LOXL4: variants seen among roughly 807,000 people sequenced by gnomAD.
The protein encoded by LOXL4 is lysyl oxidase like 4.
A neutral mutation model predicts 89.1 loss-of-function variants in LOXL4; 72 were observed. The observed-to-expected ratio is 0.81, with a 90% CI of 0.67 to 0.98. The LOEUF is 0.98. LOXL4 is among the 50% of genes least tolerant of loss of function. The pLI is 0.00. For missense variants in LOXL4, 984 were observed against 1,017.5 expected (o/e 0.97, Z 0.45); for synonymous variants, 355 against 392.1 (o/e 0.91, Z 1.12).
chr10:98,253,692 A>G lies in LOXL4; in HGVS notation c.1696T>C (p.Ser566Pro). ...LYCAHEENCL[S>P]KSADHMDWPY... ...CAGTCCATGTGATCCGCAGACTTGG[A>G]GAGGCAGTTCTCCTCGTGGGCACAA... The change falls in exon 11 of 15, where the codon TCC (serine) becomes CCC (proline). Residue 566 changes from serine (S) to proline (P), a missense_variant. Transcript: ENST00000260702. 1 of 1,614,236 alleles carries G rather than the reference A, an allele frequency of 6.2e-7. No individual in the cohort carries two copies. The highest frequency in any genetic ancestry group is 8.5e-7 in the Non-Finnish European group (1 of 1,180,048).
intron 8 of LOXL4, 125 bp downstream of exon 8, chr10:98,257,525 G>A (rs896562090): frequency 1.1e-5 from 13 of 1,196,586 alleles, no homozygotes; most frequent in Non-Finnish European, 1.5e-5. Flanking sequence ...AGGCAGACTG[G>A]TGCCCAAAGC....
Position 98,253,741 on chromosome 10 carries a change from C to T in LOXL4, c.1647G>A (p.Glu549=). The part of the protein sequence containing the change: ...AQLVQETAYL[E]DRPLSQLYCA... ...AATACAGCTGGCTGAGCGGGCGGTCCTCCAAGTAGGCCGTCTCCTGCACTA... is the reference window on the plus strand; with the variant it reads ...AATACAGCTGGCTGAGCGGGCGGTCTTCCAAGTAGGCCGTCTCCTGCACTA... The change falls in exon 11 of 15, where the codon GAG becomes GAA. Residue 549 remains glutamate (E), a synonymous_variant. Coordinates refer to ENST00000260702, the MANE Select transcript of LOXL4 (RefSeq NM_032211.7). The T allele has an allele frequency of 1.2e-6, 2 of 1,614,214 alleles. No homozygotes were observed. Among genetic ancestry groups the T allele is most frequent in the East Asian group, 2.2e-5 (1 of 44,884 alleles).
rs1241200803 is a variant in LOXL4, at chr10:98,251,148, G to A, written c.2117C>T (p.Ala706Val). The A allele has an allele frequency of 7.4e-6, 12 of 1,613,918 alleles. No homozygotes were observed. The highest frequency in any genetic ancestry group is 2.7e-5 in the African/African-American group (2 of 74,942). ...CATATTGTTGGAGAAATCTGACTCT[G>A]CCACTTCATAGTGGGGGTTCACAAT... ...QVIVNPHYEV[A>V]ESDFSNNMLQ... is the part of the protein sequence containing the mutation. The change falls in exon 14 of 15, where the codon GCA (alanine) becomes GTA (valine). Residue 706 changes from alanine (A) to valine (V), a missense_variant. Coordinates refer to ENST00000260702, the MANE Select transcript of LOXL4 (RefSeq NM_032211.7).
chr10:98,260,813 ACT>A, intron 4 of LOXL4, 107 bp downstream of exon 4: 1 of 1,167,906 alleles, frequency 8.6e-7, no homozygotes. Flanking sequence ...ATGAGTCCAC[ACT>A]CAGACTCATG....
intron 13 of LOXL4, 147 bp downstream of exon 13, chr10:98,251,419 G>C: frequency 8.8e-7 from 1 of 1,132,090 alleles, no homozygotes; most frequent in South Asian, 1.5e-5. Context: ...CAGCTTGACT[G>C]TTACTTCCCT....
chr10:98,267,035 G>A (rs1453034945), intron 1 of LOXL4, among the ~76,000 whole-genome samples: 2 of 152,118 alleles, frequency 1.3e-5, no homozygotes, highest in African/African-American at 4.8e-5. Context: ...AAGAGGAGGG[G>A]AGGGAAGTGA....
chr10:98,251,084 C>T lies in LOXL4; in HGVS notation c.2181G>A (p.Trp727Ter), dbSNP rs757507970. Residue 727 changes from tryptophan to a stop codon, truncating the protein, a stop_gained, in exon 14 of 15, where the codon TGG becomes TGA. Transcript: ENST00000260702. LOFTEE classifies it high-confidence loss of function. ...AGTTACCTGTGTGGCAGTTGTGCAG[C>T]CAGACCCGGTGCCCATCATACTTGC... is the stretch of plus-strand genomic sequence containing the variant. ...CRCKYDGHRV[W>*]LHNCHTGNSY... is the part of the protein sequence containing the mutation. The T allele has an allele frequency of 8.7e-6, 14 of 1,614,008 alleles. No homozygotes were observed. The South Asian group carries it at 1.2e-4, about 14-fold the overall frequency.
In LOXL4 at chr10:98,258,099, G is replaced by A. The variant is rs372736875; in HGVS notation, c.987C>T (p.Asn329=). 1 of 1,613,564 alleles carries A rather than the reference G, an allele frequency of 6.2e-7. No homozygotes were observed. The highest frequency in any genetic ancestry group is 2.2e-5 in the East Asian group (1 of 44,880). ...VGEGRVEVLM[N]RQWGTVCDHR... is the part of the protein sequence containing the mutation. ...GGTCACAGACCGTGCCCCACTGGCG[G>A]TTCATGAGCACTTCCACCCGGCCCT... The change falls in exon 7 of 15, where the codon AAC becomes AAT. Residue 329 remains asparagine (N), a synonymous_variant. Coordinates refer to ENST00000260702, the MANE Select transcript of LOXL4 (RefSeq NM_032211.7).
At chr10:98,263,417 G>T (rs1858601711) in intron 1 of LOXL4, among the ~76,000 whole-genome samples, 1 of 152,192 alleles carries the variant, frequency 6.6e-6, no homozygotes, top group Non-Finnish European at 1.5e-5. Flanking sequence ...ACAATAAACA[G>T]CAGCTCTTAT....
At position 98,255,607 on chromosome 10, in the gene LOXL4, G is replaced by T; in HGVS notation, c.1561C>A (p.Arg521Ser). 1 of 1,610,766 alleles carries T rather than the reference G, an allele frequency of 6.2e-7. No individual in the cohort carries two copies. Among genetic ancestry groups the T allele is most frequent in the Non-Finnish European group, 8.5e-7 (1 of 1,177,404 alleles). Reference protein sequence around the residue: ...GPVHCSHGGGRFLAGVSCMDS... With the variant: ...GPVHCSHGGGSFLAGVSCMDS... ...ATGCAGGAGACTCCAGCCAGGAAGC[G>T]CCCGCCACCGTGGGAGCAGTGCACC... is the stretch of plus-strand genomic sequence containing the variant. The change falls in exon 10 of 15, where the codon CGC (arginine) becomes AGC (serine). Residue 521 changes from arginine (R) to serine (S), a missense_variant. Physicochemically the swap from Arg to Ser is moderately radical, Grantham distance 110 (BLOSUM62 -1). Transcript: ENST00000260702.
At chr10:98,264,858 C>T (rs529243822) in intron 1 of LOXL4, among the ~76,000 whole-genome samples, 7 of 150,848 alleles carry the variant, frequency 4.6e-5, no homozygotes, top group South Asian at 2.1e-4. Context: ...GCCTCTTCCA[C>T]GGCCATGGCT....
rs369996601 is a variant in LOXL4 at position 98,253,079 on chromosome 10, T to C, written c.1835+474A>G. ...TCCTGATAGGAAAGAATGTTCATTG[T>C]CACTTTTTTAGTGGCAGTCTGTTCA... On this transcript the variant is annotated intron_variant, in intron 11 of 14. Transcript: ENST00000260702. Among the ~76,000 whole-genome samples, 5 of 152,362 alleles carry C rather than the reference T, an allele frequency of 3.3e-5. No homozygotes were observed. The South Asian group carries it at 1.0e-3, about 32-fold the overall frequency.
rs756173482 is a variant in LOXL4, at chr10:98,248,064, A to G, written c.*857T>C. Reference sequence around the variant, plus strand: ...TGGTTGAGACTTGAAGTTTAGACCAATCCTGAGATGCGTGGTGATCCTGAG... The same window carrying G: ...TGGTTGAGACTTGAAGTTTAGACCAGTCCTGAGATGCGTGGTGATCCTGAG... On this transcript the variant is annotated 3_prime_UTR_variant, in exon 15 of 15. Transcript: ENST00000260702. 1 of 152,232 alleles carries G rather than the reference A, an allele frequency of 6.6e-6. No homozygotes were observed. Among genetic ancestry groups the G allele is most frequent in the Non-Finnish European group, 1.5e-5 (1 of 68,048 alleles). The allele number at this position is 152,232 out of a possible 1,614,324, so 9.4% of individuals were successfully genotyped here.
At chr10:98,260,552 T>C (rs2135840446) in intron 4 of LOXL4, among the ~76,000 whole-genome samples, 1 of 152,282 alleles carries the variant, frequency 6.6e-6, no homozygotes, top group African/African-American at 2.4e-5. Context: ...TCTGACTGTT[T>C]CTAGGTATTT....
intron 11 of LOXL4, among the ~76,000 whole-genome samples, chr10:98,253,296 C>G (rs1233121658): frequency 6.6e-6 from 1 of 152,258 alleles, no homozygotes; most frequent in Non-Finnish European, 1.5e-5. Flanking sequence ...CAGAACAACT[C>G]TGCTGGCGGT....
At chr10:98,256,631 T>C in intron 9 of LOXL4, 149 bp downstream of exon 9, 1 of 832,384 alleles carries the variant, frequency 1.2e-6, no homozygotes, top group Non-Finnish European at 1.9e-6. Context: ...ACCACACTGT[T>C]CCCAGCACTC....
chr10:98,259,754 G>A (rs1407290000), intron 4 of LOXL4, among the ~76,000 whole-genome samples: 12 of 152,178 alleles, frequency 7.9e-5, no homozygotes, highest in Admixed American at 7.9e-4. Context: ...GGACAGGTGG[G>A]AGGTGAAGGC....
chr10:98,263,266 G>A (rs1162303527), intron 1 of LOXL4, among the ~76,000 whole-genome samples: 1 of 152,116 alleles, frequency 6.6e-6, no homozygotes, highest in Non-Finnish European at 1.5e-5. Flanking sequence ...TGACCTTGAG[G>A]AAGTTTAAAC....
chr10:98,260,336 C>A (rs916443666), intron 4 of LOXL4, among the ~76,000 whole-genome samples: 3 of 152,110 alleles, frequency 2.0e-5, no homozygotes, highest in Non-Finnish European at 4.4e-5. Context: ...AAAGCCCTAA[C>A]GCCAGTCACT....
Sources: allele counts gnomAD v4.1 joint callset (sites outside exome capture counted in the v4.1 genomes callset), GRCh38; gene constraint gnomAD v4.1.1; transcripts MANE v1.5; gene names NCBI Gene and HGNC (gene_info 2026-07-23, HGNC 2026-07-21).